Variants in DMP1 observed in about 807,000 individuals in gnomAD.
DMP1 encodes dentin matrix protein 1.
DMP1 carries 20 observed loss-of-function variants against 14.6 expected under a neutral mutation model. The observed-to-expected ratio is 1.37, with a 90% CI of 0.96 to 1.99. The LOEUF is 1.99. Among genes scored for constraint, DMP1 ranks in the 30% most tolerant of loss-of-function variants. The pLI, the probability that DMP1 is intolerant of heterozygous loss-of-function variation, is 0.00. For synonymous variants in DMP1, 197 were observed against 215.3 expected, an observed-to-expected ratio of 0.91 and a Z score of 0.75; for missense variants, 567 against 620.5, an observed-to-expected ratio of 0.91 and a Z score of 0.92.
chr4:87,659,140 T>C, intron 3 of DMP1, 80 bp from the exon 4 acceptor site: 1 of 1,441,052 alleles, frequency 6.9e-7, no homozygotes, highest in South Asian at 1.2e-5. Flanking sequence ...AATAATAACC[T>C]AAAATTATTG....
rs1481464114 is a variant in DMP1 at position 87,662,247 on chromosome 4, A to G, written c.469A>G (p.Ser157Gly). ...AGAGAGTGCCCCACAAGGGCAAGAC[A>G]GTGCCCAAGATACCACCAGTGAGAG... ...SEESAPQGQD[S>G]AQDTTSESRE... The change falls in exon 6 of 6, where the codon AGT (serine) becomes GGT (glycine). Residue 157 changes from serine to glycine, a missense_variant. Ser to Gly is a moderately conservative substitution (Grantham distance 56). Coordinates refer to ENST00000339673, the MANE Select transcript of DMP1 (RefSeq NM_004407.4). 2.5e-6 allele frequency: 4 copies of G among 1,614,210 alleles called. No individual in the cohort carries two copies. The South Asian group carries it at 3.3e-5, about 13-fold the overall frequency.
At chr4:87,658,359 G>A (rs148322975) in intron 3 of DMP1, among the ~76,000 whole-genome samples, 2 of 152,370 alleles carry the variant, frequency 1.3e-5, no homozygotes, top group Non-Finnish European at 2.9e-5. Context: ...GGAAGGGGAA[G>A]AAGTGATGGG....
intron 1 of DMP1, among the ~76,000 whole-genome samples, chr4:87,653,617 C>A (rs1375422278): frequency 6.6e-6 from 1 of 151,304 alleles, no homozygotes; most frequent in Non-Finnish European, 1.5e-5. Flanking sequence ...ATTCTTAGAT[C>A]AAGTGTTAAA....
intron 5 of DMP1, among the ~76,000 whole-genome samples, chr4:87,660,177 G>A (rs1322023521): frequency 6.6e-6 from 1 of 152,170 alleles, no homozygotes; most frequent in Non-Finnish European, 1.5e-5. Context: ...TCTACACTTA[G>A]CCAGAGTTGG....
chr4:87,658,816 A>G (rs1728772912), intron 3 of DMP1: 1 of 211,134 alleles, frequency 4.7e-6, no homozygotes. Flanking sequence ...CATGACTTTC[A>G]GTGCTAACAC....
rs143161469 is a variant in DMP1, at chr4:87,663,455, T to C, written c.*135T>C. ...CCATATTTTTCCTGAAAGGAATTGC[T>C]GGACATTACACTTGTTTTTAGGGTG... On this transcript the variant is annotated 3_prime_UTR_variant, in exon 6 of 6. Coordinates refer to ENST00000339673, the MANE Select transcript of DMP1 (RefSeq NM_004407.4). 9.6e-5 allele frequency: 128 copies of C among 1,336,944 alleles called. 1 individual carries two copies. In the African/African-American group the frequency reaches 1.7e-3, roughly 18 times the overall value. The allele number at this position is 1,336,944 out of a possible 1,614,324, so 82.8% of individuals were successfully genotyped here.
rs1034776491 is a variant in DMP1 at position 87,659,166 on chromosome 4, A to T, written c.103-54A>T. The T allele has an allele frequency of 1.7e-4, 266 of 1,562,944 alleles. 2 individuals are homozygous for T. The highest frequency in any genetic ancestry group is 4.0e-5 in the Non-Finnish European group (45 of 1,133,890). On this transcript the variant is annotated intron_variant, in intron 3 of 5. Coordinates refer to ENST00000339673, the MANE Select transcript of DMP1 (RefSeq NM_004407.4). ...AAAATTATTGTAAATAATTACAATA[A>T]TGAAATCCATCTGTGAGGGAGTAAT...
chr4:87,661,118 A>T (rs903614650), intron 5 of DMP1, among the ~76,000 whole-genome samples: 25 of 148,246 alleles, frequency 1.7e-4, no homozygotes, highest in African/African-American at 6.3e-4. Context: ...GCTCACTGCA[A>T]CCTCTGCCCC....
In DMP1 at chr4:87,663,326, G is replaced by T; in HGVS notation, c.*6G>T. 1 of 1,614,228 alleles carries T rather than the reference G, an allele frequency of 6.2e-7. No individual in the cohort carries two copies. Among genetic ancestry groups the T allele is most frequent in the Non-Finnish European group, 8.5e-7 (1 of 1,180,028 alleles). On this transcript the variant is annotated 3_prime_UTR_variant, in exon 6 of 6. Coordinates refer to ENST00000339673, the MANE Select transcript of DMP1 (RefSeq NM_004407.4). The stretch of plus-strand genomic sequence containing the variant: ...ACTGCCAAGACGGCTATTAGCATCA[G>T]CTGTCCTAAGAAGCAGTTGTCACAT...
rs1316293754 is a variant in DMP1 at position 87,664,297 on chromosome 4, A to G, written c.*977A>G. On this transcript the variant is annotated 3_prime_UTR_variant, in exon 6 of 6. Coordinates refer to ENST00000339673, the MANE Select transcript of DMP1 (RefSeq NM_004407.4). ...ATTCAATTGATTTTTGACAAATACC[A>G]TTTGAAATATTACCTCAACATAAAA... 2.6e-5 allele frequency: 4 copies of G among 152,652 alleles called. No homozygotes were observed. Among genetic ancestry groups the G allele is most frequent in the East Asian group, 1.9e-4 (1 of 5,198 alleles). The allele number at this position is 152,652 out of a possible 1,614,324, so 9.5% of individuals were successfully genotyped here.
chr4:87,654,908 G>A (rs548816289), intron 1 of DMP1, among the ~76,000 whole-genome samples: 50 of 152,326 alleles, frequency 3.3e-4, no homozygotes, highest in Non-Finnish European at 6.8e-4. Flanking sequence ...TTTACATTGT[G>A]AGGGTGAAAT....
At chr4:87,650,789 T>C (rs1728514277) in intron 1 of DMP1, among the ~76,000 whole-genome samples, 1 of 152,134 alleles carries the variant, frequency 6.6e-6, no homozygotes, top group South Asian at 2.1e-4. Flanking sequence ...AAGCTAAACT[T>C]ATTGAATGGC....
At chr4:87,656,609 T>C (rs374190026) in intron 2 of DMP1, 63 bp downstream of exon 2, 14 of 1,108,798 alleles carry the variant, frequency 1.3e-5, no homozygotes, top group Non-Finnish European at 1.9e-5. Context: ...ACAATTTTGA[T>C]TGGCTATGAA....
chr4:87,655,956 C>G (rs1436482476), intron 1 of DMP1, among the ~76,000 whole-genome samples: 1 of 152,128 alleles, frequency 6.6e-6, no homozygotes, highest in Non-Finnish European at 1.5e-5. Flanking sequence ...TTTTTAAAAA[C>G]CACTTTGTTG....
At chr4:87,653,522 C>G (rs909614741) in intron 1 of DMP1, among the ~76,000 whole-genome samples, 1 of 149,374 alleles carries the variant, frequency 6.7e-6, no homozygotes, top group African/African-American at 2.5e-5. Context: ...ACCTCCCTGG[C>G]TCAAAGAATT....
rs561440615 is a variant in DMP1, at chr4:87,663,393, A to C, written c.*73A>C. On this transcript the variant is annotated 3_prime_UTR_variant, in exon 6 of 6. Coordinates refer to ENST00000339673, the MANE Select transcript of DMP1 (RefSeq NM_004407.4). The stretch of plus-strand genomic sequence containing the variant: ...CTTGAAAATGTATCATGATAACTAT[A>C]ATTTATTGATGTTTTGATCAAAAGA... 6.2e-6 allele frequency: 10 copies of C among 1,606,238 alleles called. No homozygotes were observed. In the African/African-American group the frequency reaches 1.3e-4, roughly 21 times the overall value.
At chr4:87,659,939 A>T (rs1043095195) in intron 5 of DMP1, among the ~76,000 whole-genome samples, 1 of 152,268 alleles carries the variant, frequency 6.6e-6, no homozygotes, top group African/African-American at 2.4e-5. Flanking sequence ...GAACTGCTTC[A>T]GTGATGACTT....
intron 1 of DMP1, among the ~76,000 whole-genome samples, chr4:87,655,787 G>A (rs1728672966): frequency 6.6e-6 from 1 of 152,058 alleles, no homozygotes; most frequent in Non-Finnish European, 1.5e-5. Context: ...TTGCTAGGGT[G>A]CTCTGCCATA....
chr4:87,656,579 C>G (rs747358988), intron 2 of DMP1, 33 bp downstream of exon 2: 2 of 1,431,386 alleles, frequency 1.4e-6, no homozygotes, highest in Admixed American at 1.7e-5. Flanking sequence ...ATGAAAAAAC[C>G]CTTTCATACT....
Sources: gnomAD v4.1 joint callset for allele counts (sites outside exome capture counted in the v4.1 genomes callset) on GRCh38, gnomAD v4.1.1 for gene constraint, MANE v1.5 for transcripts, NCBI Gene and HGNC (gene_info 2026-07-23, HGNC 2026-07-21) for gene names.